The following ZFHX3 variants were observed in gnomAD, a reference collection of about 807,000 sequenced individuals.
The protein encoded by ZFHX3 is zinc finger homeobox protein 3.
ZFHX3 carries 42 observed loss-of-function variants against 279.1 expected under a neutral mutation model. That is an observed-to-expected ratio of 0.15 (90% CI 0.12 to 0.19). The LOEUF is 0.19. Ranked by LOEUF, ZFHX3 falls within the 10% of genes least tolerant of loss-of-function variation. The pLI is 1.00. For missense variants in ZFHX3, 4,981 were observed against 4,754.0 expected (o/e 1.05, Z -1.40); for synonymous variants, 2,293 against 1,957.8 (o/e 1.17, Z -4.52).
intron 1 of ZFHX3, among the ~76,000 whole-genome samples, chr16:73,774,949 C>G (rs1337227681): frequency 1.3e-5 from 2 of 152,134 alleles, no homozygotes; most frequent in African/African-American, 4.8e-5. Flanking sequence ...TTTTACGTCT[C>G]CCTATCTCCA....
At chr16:73,118,509 AT>A (rs58294369) in intron 7 of ZFHX3, among the ~76,000 whole-genome samples, 67,565 of 151,556 alleles carry the variant, frequency 0.45, 16,620 homozygotes, top group Middle Eastern at 0.59. Flanking sequence ...TGCCTGGCCT[AT>A]TTTTTTGTTC....
At chr16:73,749,026 G>T (rs2053731561) in intron 1 of ZFHX3, among the ~76,000 whole-genome samples, 1 of 151,964 alleles carries the variant, frequency 6.6e-6, no homozygotes, top group African/African-American at 2.4e-5. Context: ...GACCTCAGGA[G>T]ATCCGCCCAC....
intron 1 of ZFHX3, among the ~76,000 whole-genome samples, chr16:73,755,919 A>T (rs2053804347): frequency 6.6e-6 from 1 of 152,224 alleles, no homozygotes. Context: ...CCCCTCTCCC[A>T]CGGCCGGGTG....
At chr16:73,659,936 T>C (rs565204369) in intron 2 of ZFHX3, among the ~76,000 whole-genome samples, 81 of 152,218 alleles carry the variant, frequency 5.3e-4, no homozygotes, top group Non-Finnish European at 9.8e-4. Context: ...GCGAGGTTGG[T>C]CACTGTAATT....
At chr16:73,112,314 G>A (rs559368577) in intron 7 of ZFHX3, among the ~76,000 whole-genome samples, 3 of 152,186 alleles carry the variant, frequency 2.0e-5, no homozygotes, top group East Asian at 1.9e-4. Context: ...AGAGAAAAAC[G>A]GAAGGAAGGG....
At chr16:73,669,058 T>TA (rs398119494) in intron 2 of ZFHX3, among the ~76,000 whole-genome samples, 1 of 151,276 alleles carries the variant, frequency 6.6e-6, no homozygotes, top group Non-Finnish European at 1.5e-5. Flanking sequence ...TTATTTTTTT[T>TA]CTTTTCTATT....
chr16:73,860,002 A>T lies in ZFHX3; in HGVS notation c.-1608+31649T>A, dbSNP rs572683824. Among the ~76,000 whole-genome samples the T allele has an allele frequency of 3.9e-5, 6 of 152,320 alleles. No individual in the cohort carries two copies. The South Asian group carries it at 1.2e-3, about 32-fold the overall frequency. ...AATAAAATGCAAAGTCCTGTGGCCCAGTTCAAATTGAGCCTGACAGTGAAG... is the reference window on the plus strand; with the variant it reads ...AATAAAATGCAAAGTCCTGTGGCCCTGTTCAAATTGAGCCTGACAGTGAAG... On this transcript the variant is annotated intron_variant, in intron 1 of 17. Coordinates refer to the ZFHX3 transcript ENST00000641206.
intron 1 of ZFHX3, among the ~76,000 whole-genome samples, chr16:73,763,607 T>G (rs1466956463): frequency 6.6e-6 from 1 of 152,150 alleles, no homozygotes; most frequent in Non-Finnish European, 1.5e-5. Flanking sequence ...TAGGTGACAC[T>G]CAATGAGTCA....
intron 3 of ZFHX3, among the ~76,000 whole-genome samples, chr16:72,909,747 G>A (rs945497926): frequency 2.6e-5 from 4 of 151,710 alleles, no homozygotes; most frequent in Non-Finnish European, 4.4e-5. Flanking sequence ...GCATGGTGGC[G>A]TGCACCTGCA....
At chr16:72,792,193 T>G (rs2035730627) in intron 9 of ZFHX3, among the ~76,000 whole-genome samples, 1 of 151,994 alleles carries the variant, frequency 6.6e-6, no homozygotes, top group Non-Finnish European at 1.5e-5. Context: ...AACTCCCTAT[T>G]AAGTGAGACT....
chr16:73,851,866 A>G (rs1184532610), intron 1 of ZFHX3, among the ~76,000 whole-genome samples: 2 of 152,144 alleles, frequency 1.3e-5, no homozygotes, highest in African/African-American at 4.8e-5. Context: ...TGGTCCCACC[A>G]TTTGGAACTG....
intron 1 of ZFHX3, among the ~76,000 whole-genome samples, chr16:73,028,383 A>T (rs1964585218): frequency 6.6e-6 from 1 of 152,176 alleles, no homozygotes; most frequent in Non-Finnish European, 1.5e-5. Flanking sequence ...AAAGCCAGAG[A>T]ACATGCCCAG....
chr16:73,471,553 C>A (rs896417059), intron 2 of ZFHX3, among the ~76,000 whole-genome samples: 2 of 152,124 alleles, frequency 1.3e-5, no homozygotes, highest in African/African-American at 4.8e-5. Context: ...GGATTACAGG[C>A]GTGAGCCACT....
At chr16:73,086,678 A>AGAT (rs1415760078) in intron 8 of ZFHX3, among the ~76,000 whole-genome samples, 1 of 152,112 alleles carries the variant, frequency 6.6e-6, no homozygotes, top group Non-Finnish European at 1.5e-5. Flanking sequence ...TGAGGCAGGG[A>AGAT]GATTGCTTGA....
At chr16:73,725,333 A>T (rs1344087795) in intron 1 of ZFHX3, among the ~76,000 whole-genome samples, 1 of 152,190 alleles carries the variant, frequency 6.6e-6, no homozygotes, top group Non-Finnish European at 1.5e-5. Context: ...TGTTTCCTTG[A>T]GGCAGCAGGG....
In ZFHX3 at chr16:73,340,835, T is replaced by C. The variant is rs115493254; in HGVS notation, c.-1290-22499A>G. Among the ~76,000 whole-genome samples the C allele has an allele frequency of 5.9e-3, 896 of 152,156 alleles. 4 individuals carry two copies. Among genetic ancestry groups the C allele is most frequent in the African/African-American group, 0.02 (848 of 41,492 alleles). ...ACCCTACAAGTACTGGAAAAAAACATGGGTGAATTCTTGGGTGTGAAGAAA... is the reference window on the plus strand; with the variant it reads ...ACCCTACAAGTACTGGAAAAAAACACGGGTGAATTCTTGGGTGTGAAGAAA... On this transcript the variant is annotated intron_variant, in intron 3 of 17. Coordinates refer to the ZFHX3 transcript ENST00000641206.
intron 5 of ZFHX3, among the ~76,000 whole-genome samples, chr16:73,216,481 A>C (rs1489710188): frequency 6.6e-6 from 1 of 152,214 alleles, no homozygotes; most frequent in Non-Finnish European, 1.5e-5. Context: ...CATCTCCCTC[A>C]AAAGACTGTG....
At chr16:73,495,750 G>C (rs192971562) in intron 2 of ZFHX3, among the ~76,000 whole-genome samples, 3 of 152,290 alleles carry the variant, frequency 2.0e-5, no homozygotes, top group East Asian at 3.9e-4. Flanking sequence ...ACGCCCATTT[G>C]ACATGGCAAA....
At chr16:73,689,992 C>T (rs538305310) in intron 1 of ZFHX3, among the ~76,000 whole-genome samples, 20 of 151,864 alleles carry the variant, frequency 1.3e-4, no homozygotes, top group African/African-American at 3.4e-4. Context: ...CTCGGCTCAC[C>T]GCAACCTCCA....
Sources: gnomAD v4.1 joint callset for allele counts (sites outside exome capture counted in the v4.1 genomes callset) on GRCh38, gnomAD v4.1.1 for gene constraint, MANE v1.5 for transcripts, NCBI Gene and HGNC (gene_info 2026-07-23, HGNC 2026-07-21) for gene names.